CSMD1: variants seen among roughly 807,000 people sequenced by gnomAD.
The protein encoded by CSMD1 is CUB and sushi domain-containing protein 1.
In CSMD1, 213 loss-of-function variants were observed where a neutral mutation model predicts 417.5. The ratio of observed to expected loss-of-function variants is 0.51; its 90% CI spans 0.46 to 0.57. The LOEUF (loss-of-function observed/expected upper bound fraction) is 0.57, where lower values mean the gene tolerates loss of function less well. Ranked by LOEUF, CSMD1 falls within the 20% of genes least tolerant of loss-of-function variation. The pLI is 0.00. For synonymous variants in CSMD1, 2,862 were observed against 1,736.8 expected (o/e 1.65, Z -16.11); for missense variants, 6,923 against 4,529.7 (o/e 1.53, Z -15.17).
chr8:4,918,543 G>A (rs1806224072), intron 1 of CSMD1, among the ~76,000 whole-genome samples: 2 of 151,664 alleles, frequency 1.3e-5, no homozygotes, highest in Admixed American at 1.3e-4. Flanking sequence ...GAAAAAAAAA[G>A]CCAATTTCCA....
intron 4 of CSMD1, among the ~76,000 whole-genome samples, chr8:4,014,383 A>T (rs1796420309): frequency 6.6e-6 from 1 of 152,196 alleles, no homozygotes; most frequent in Non-Finnish European, 1.5e-5. Context: ...ATGTCAATGC[A>T]CATAGAAGTG....
chr8:4,090,336 G>A (rs1412063074), intron 3 of CSMD1, among the ~76,000 whole-genome samples: 1 of 152,158 alleles, frequency 6.6e-6, no homozygotes, highest in Non-Finnish European at 1.5e-5. Flanking sequence ...TTAAACATGA[G>A]TCATTATCTA....
intron 5 of CSMD1, among the ~76,000 whole-genome samples, chr8:3,847,261 A>T (rs991931301): frequency 3.3e-5 from 5 of 152,096 alleles, no homozygotes; most frequent in Non-Finnish European, 5.9e-5. Flanking sequence ...AAAGGTCCCT[A>T]ATCAGTTGAT....
chr8:3,993,886 T>G (rs1483073212), intron 5 of CSMD1, among the ~76,000 whole-genome samples: 2 of 152,094 alleles, frequency 1.3e-5, no homozygotes, highest in Non-Finnish European at 2.9e-5. Context: ...CGACAAAAGA[T>G]AGGCAGTGGG....
chr8:3,415,705 A>G (rs1813093034), intron 12 of CSMD1, among the ~76,000 whole-genome samples: 1 of 152,164 alleles, frequency 6.6e-6, no homozygotes, highest in Admixed American at 6.5e-5. Context: ...TGTTGTATTT[A>G]TATGAAGATT....
chr8:3,701,032 G>A (rs367612252), intron 7 of CSMD1, among the ~76,000 whole-genome samples: 2 of 151,912 alleles, frequency 1.3e-5, no homozygotes, highest in Non-Finnish European at 2.9e-5. Context: ...GATATGTCGG[G>A]GGGCAGTCAG....
chr8:4,311,329 A>G (rs886106985), intron 3 of CSMD1, among the ~76,000 whole-genome samples: 26 of 152,242 alleles, frequency 1.7e-4, no homozygotes, highest in Admixed American at 1.5e-3. Context: ...ATAAAAAGGA[A>G]TGCGATCAAG....
intron 1 of CSMD1, among the ~76,000 whole-genome samples, chr8:4,647,525 T>C (rs1585387681): frequency 1.3e-5 from 2 of 152,096 alleles, no homozygotes; most frequent in African/African-American, 4.8e-5. Context: ...CCATGGTTGT[T>C]TGCTGCACCT....
chr8:3,896,916 C>A (rs1749511350), intron 5 of CSMD1, among the ~76,000 whole-genome samples: 1 of 151,898 alleles, frequency 6.6e-6, no homozygotes, highest in Non-Finnish European at 1.5e-5. Context: ...CCAATAACAA[C>A]CTCTATCTCA....
chr8:3,201,557 A>C, intron 32 of CSMD1, 55 bp downstream of exon 32: 6 of 905,058 alleles, frequency 6.6e-6, no homozygotes, highest in Non-Finnish European at 8.3e-6. Flanking sequence ...CAAGTTAAAA[A>C]TTAATCCCCC....
rs566315243 is a variant in CSMD1 at position 3,504,021 on chromosome 8, T to C, written c.1345-10295A>G. 8.5e-5 allele frequency among the ~76,000 whole-genome samples: 13 copies of C among 152,236 alleles called. 1 individual carries two copies. Among genetic ancestry groups the C allele is most frequent in the Middle Eastern group, 6.8e-3 (2 of 294 alleles). ...AGATAGGTGCAATCAGTTCCAGTGT[T>C]CGACAGCACTGCAGGGTGACTGTCA... On this transcript the variant is annotated intron_variant, in intron 10 of 69. Coordinates refer to ENST00000635120, the MANE Select transcript of CSMD1 (RefSeq NM_033225.6).
At chr8:4,933,893 A>G (rs1461640920) in intron 1 of CSMD1, among the ~76,000 whole-genome samples, 2 of 152,206 alleles carry the variant, frequency 1.3e-5, no homozygotes, top group Non-Finnish European at 2.9e-5. Context: ...CATTTCAAGT[A>G]GGGTTTTCAT....
At chr8:4,238,842 T>C (rs947547149) in intron 3 of CSMD1, among the ~76,000 whole-genome samples, 1 of 152,176 alleles carries the variant, frequency 6.6e-6, no homozygotes, top group African/African-American at 2.4e-5. Flanking sequence ...TACTAATAAG[T>C]ACATTTTTAA....
At chr8:4,218,595 G>C (rs1243743945) in intron 3 of CSMD1, among the ~76,000 whole-genome samples, 1 of 152,102 alleles carries the variant, frequency 6.6e-6, no homozygotes, top group Non-Finnish European at 1.5e-5. Flanking sequence ...TAATTTTACA[G>C]TTGCTTAATT....
intron 42 of CSMD1, chr8:3,113,115 T>G: frequency 6.6e-6 from 1 of 152,236 alleles, no homozygotes; most frequent in East Asian, 1.9e-4. Context: ...CCCCCCTGCC[T>G]TCCTTTCCCT....
intron 68 of CSMD1, among the ~76,000 whole-genome samples, chr8:2,945,766 A>G (rs931820874): frequency 2.6e-5 from 4 of 151,772 alleles, no homozygotes; most frequent in African/African-American, 9.7e-5. Flanking sequence ...ACACGTTATT[A>G]TTGGTTCCTT....
intron 1 of CSMD1, among the ~76,000 whole-genome samples, chr8:4,847,911 C>T (rs1246013315): frequency 6.6e-6 from 1 of 151,744 alleles, no homozygotes; most frequent in Non-Finnish European, 1.5e-5. Context: ...ATATTTTCAT[C>T]ACTGCAAAAT....
chr8:4,781,159 G>A (rs766842664), intron 1 of CSMD1, among the ~76,000 whole-genome samples: 15 of 152,140 alleles, frequency 9.9e-5, no homozygotes, highest in Non-Finnish European at 1.3e-4. Context: ...TAGTGGCTGT[G>A]CTTTGTGCCC....
In CSMD1 at chr8:4,325,117, C is replaced by A. The variant is rs370163273; in HGVS notation, c.415+94836G>T. Reference sequence around the variant, plus strand: ...ATCAGTAACCCACTTGATGATACTGCACATTGTATGCAATCATGAATGCTG... The same window carrying A: ...ATCAGTAACCCACTTGATGATACTGAACATTGTATGCAATCATGAATGCTG... On this transcript the variant is annotated intron_variant, in intron 3 of 69. Transcript: ENST00000635120. Among the ~76,000 whole-genome samples, 5 of 152,220 alleles carry A rather than the reference C, an allele frequency of 3.3e-5. No homozygotes were observed. The East Asian group carries it at 7.7e-4, about 24-fold the overall frequency.
Sources: gnomAD v4.1 joint callset for allele counts (sites outside exome capture counted in the v4.1 genomes callset) on GRCh38, gnomAD v4.1.1 for gene constraint, MANE v1.5 for transcripts, NCBI Gene and HGNC (gene_info 2026-07-23, HGNC 2026-07-21) for gene names.